Variants in RUFY3 observed in about 807,000 individuals in gnomAD.
The protein encoded by RUFY3 is protein RUFY3.
RUFY3 carries 34 observed loss-of-function variants against 84.0 expected under a neutral mutation model. That is an observed-to-expected ratio of 0.40 (90% CI 0.31 to 0.54). The LOEUF is 0.54. RUFY3 is among the 20% of genes least tolerant of loss of function. RUFY3 has a pLI of 0.39. For synonymous variants in RUFY3, 242 were observed against 252.9 expected (o/e 0.96, Z 0.41); for missense variants, 507 against 736.8 (o/e 0.69, Z 3.61).
intron 1 of RUFY3, among the ~76,000 whole-genome samples, chr4:70,752,705 T>G (rs1379370578): frequency 2.6e-5 from 4 of 152,248 alleles, no homozygotes; most frequent in African/African-American, 9.6e-5. Flanking sequence ...TAATTTGGTG[T>G]ATTACACTGA....
intron 13 of RUFY3, among the ~76,000 whole-genome samples, chr4:70,794,445 G>A (rs1731258026): frequency 1.3e-5 from 2 of 152,172 alleles, no homozygotes. Context: ...GCCAGACATA[G>A]TGGTGGGTGC....
In RUFY3 at chr4:70,806,790, G is replaced by A; in HGVS notation, c.*131G>A. 8.7e-7 allele frequency: 1 copy of A among 1,144,452 alleles called. No individual in the cohort carries two copies. The highest frequency in any genetic ancestry group is 1.2e-6 in the Non-Finnish European group (1 of 817,948). 70.9% of individuals were successfully genotyped at this position (1,144,452 alleles called of 1,614,324 possible). ...GTTGATAGGAATTTACTAGGTCCAGGGAGAAAAGGCAGTGGTTGGGGTTAC... is the reference window on the plus strand; with the variant it reads ...GTTGATAGGAATTTACTAGGTCCAGAGAGAAAAGGCAGTGGTTGGGGTTAC... On this transcript the variant is annotated 3_prime_UTR_variant, in exon 18 of 18. Transcript: ENST00000381006.
At chr4:70,777,548 A>C (rs540749277) in intron 7 of RUFY3, among the ~76,000 whole-genome samples, 1 of 152,318 alleles carries the variant, frequency 6.6e-6, no homozygotes, top group South Asian at 2.1e-4. Context: ...ATTTAAGTAC[A>C]TTTTCTCTGG....
At chr4:70,726,818 T>G (rs79513901) in intron 1 of RUFY3, among the ~76,000 whole-genome samples, 1,583 of 152,320 alleles carry the variant, frequency 0.01, 34 homozygotes, top group African/African-American at 0.037. Context: ...GGGGTGAAGA[T>G]AAAAGGAGTG....
At chr4:70,721,382 G>A (rs1451004888), upstream of RUFY3, among the ~76,000 whole-genome samples, 1 of 151,510 alleles carries the variant, frequency 6.6e-6, no homozygotes, top group Non-Finnish European at 1.5e-5. Context: ...GGGGGAAATT[G>A]CCATTAATTG....
intron 2 of RUFY3, 80 bp from the exon 3 acceptor site, chr4:70,763,472 T>C (rs1725365201): frequency 1.1e-6 from 1 of 950,862 alleles, no homozygotes; most frequent in Non-Finnish European, 1.6e-6. Context: ...TGAAAAGTTG[T>C]GTGTGTATGT....
chr4:70,791,981 G>C, intron 12 of RUFY3: 1 of 983,998 alleles, frequency 1.0e-6, no homozygotes, highest in Non-Finnish European at 1.2e-6. Context: ...TTAGTAATTA[G>C]GTAACCTATG....
At chr4:70,704,828 G>A (rs976764002) in exon 1 of RUFY3, 7 of 707,324 alleles carry the variant, frequency 9.9e-6, no homozygotes, top group African/African-American at 3.8e-5. Context: ...TGGCGGTGGC[G>A]GCGGCGGCGC....
intron 1 of RUFY3, among the ~76,000 whole-genome samples, chr4:70,756,088 A>G (rs1170156009): frequency 1.3e-5 from 2 of 152,162 alleles, no homozygotes; most frequent in African/African-American, 4.8e-5. Context: ...GATCTGCACC[A>G]TCGTCCATCT....
chr4:70,710,227 G>C (rs1740816486), intron 1 of RUFY3, among the ~76,000 whole-genome samples: 1 of 152,174 alleles, frequency 6.6e-6, no homozygotes, highest in African/African-American at 2.4e-5. Context: ...CAAGTATACA[G>C]ATATGTATAT....
chr4:70,801,401 A>G lies in RUFY3; in HGVS notation c.1622+1196A>G, dbSNP rs548255151. On this transcript the variant is annotated intron_variant, in intron 15 of 17. Coordinates refer to ENST00000381006, the MANE Select transcript of RUFY3 (RefSeq NM_001037442.4). ...AGTGTAGGCTCATCAGTTGTAACAA[A>G]TGTACCACTCTGGTGCAGCATGTTG... Among the ~76,000 whole-genome samples the G allele has an allele frequency of 5.2e-4, 79 of 152,270 alleles. 2 individuals are homozygous for G. The South Asian group carries it at 0.016, about 31-fold the overall frequency.
rs1727315808 is a variant in RUFY3 at position 70,773,411 on chromosome 4, A to G, written c.697-100A>G. 3 of 736,594 alleles carry G rather than the reference A, an allele frequency of 4.1e-6. No homozygotes were observed. The South Asian group carries it at 5.2e-5, about 13-fold the overall frequency. 45.6% of individuals were successfully genotyped at this position (736,594 alleles called of 1,614,324 possible). On this transcript the variant is annotated intron_variant, in intron 5 of 17. Transcript: ENST00000381006. ...TAATCGTAAATTTCTAGTAAGTGTC[A>G]TGACTGTATTACTGTTTTGAGTGCC...
intron 1 of RUFY3, among the ~76,000 whole-genome samples, chr4:70,727,430 G>A (rs560629207): frequency 5.9e-4 from 84 of 143,400 alleles, no homozygotes; most frequent in Non-Finnish European, 1.1e-3. Flanking sequence ...TTCCCAGCTC[G>A]CTGAAACCTC....
chr4:70,733,637 C>T (rs925665173), intron 1 of RUFY3, among the ~76,000 whole-genome samples: 1 of 152,092 alleles, frequency 6.6e-6, no homozygotes, highest in Admixed American at 6.5e-5. Context: ...ACACCTTACA[C>T]TAAAAATTAT....
At chr4:70,792,053 C>A (rs1257079001) in intron 12 of RUFY3, 2 of 985,350 alleles carry the variant, frequency 2.0e-6, no homozygotes, top group Non-Finnish European at 2.4e-6. Context: ...TCTACCTCTG[C>A]CGTTTTCCTG....
rs1419373187 is a variant in RUFY3, at chr4:70,807,635, C to T, written c.*976C>T. Among the ~76,000 whole-genome samples, 2 of 151,238 alleles carry T rather than the reference C, an allele frequency of 1.3e-5. No homozygotes were observed. The highest frequency in any genetic ancestry group is 1.3e-4 in the Admixed American group (2 of 15,210). On this transcript the variant is annotated 3_prime_UTR_variant, in exon 18 of 18. Transcript: ENST00000381006. Reference sequence around the variant, plus strand: ...TCCCGGGCCTCAAGCAATCTTCCCACCTTAGCCTCCCAAGTAGCTGGGACT... The same window carrying T: ...TCCCGGGCCTCAAGCAATCTTCCCATCTTAGCCTCCCAAGTAGCTGGGACT...
chr4:70,781,275 A>G (rs1728872773), intron 8 of RUFY3, among the ~76,000 whole-genome samples: 1 of 152,150 alleles, frequency 6.6e-6, no homozygotes, highest in Admixed American at 6.5e-5. Flanking sequence ...TTTGAGGCCA[A>G]GAGTTCAAGA....
intron 17 of RUFY3, 88 bp downstream of exon 17, chr4:70,804,504 G>C (rs1038927977): frequency 9.0e-7 from 1 of 1,116,990 alleles, no homozygotes; most frequent in African/African-American, 1.5e-5. Flanking sequence ...GGACTTTCCC[G>C]CATAGAGTGC....
chr4:70,705,978 G>A (rs186378847), intron 1 of RUFY3, among the ~76,000 whole-genome samples: 6 of 152,168 alleles, frequency 3.9e-5, no homozygotes, highest in Admixed American at 2.0e-4. Context: ...ATCGGTTGTC[G>A]GGAAGAGGCC....
Sources: gnomAD v4.1 joint callset for allele counts (sites outside exome capture counted in the v4.1 genomes callset) on GRCh38, gnomAD v4.1.1 for gene constraint, MANE v1.5 for transcripts, NCBI Gene and HGNC (gene_info 2026-07-23, HGNC 2026-07-21) for gene names.